DENND6A: variants seen among roughly 807,000 people sequenced by gnomAD.
DENND6A encodes the protein protein DENND6A.
In DENND6A, 43 loss-of-function variants were observed where a neutral mutation model predicts 95.5. The observed-to-expected ratio is 0.45, with a 90% CI of 0.35 to 0.58. DENND6A has a LOEUF of 0.58. Among genes scored for constraint, DENND6A ranks in the 20% least tolerant of loss-of-function variants. The pLI is 0.00. For synonymous variants in DENND6A, 257 were observed against 260.4 expected, an observed-to-expected ratio of 0.99 and a Z score of 0.13; for missense variants, 574 against 736.0, an observed-to-expected ratio of 0.78 and a Z score of 2.55.
intron 10 of DENND6A, 108 bp from the exon 11 acceptor site, chr3:57,645,864 T>TA (rs1365088877): frequency 8.6e-6 from 6 of 700,702 alleles, no homozygotes; most frequent in African/African-American, 1.8e-5. Flanking sequence ...GGATACTTTG[T>TA]TTATTTTAAT....
intron 1 of DENND6A, among the ~76,000 whole-genome samples, chr3:57,682,919 C>G (rs901931331): frequency 2.0e-5 from 3 of 152,170 alleles, no homozygotes; most frequent in African/African-American, 7.2e-5. Context: ...CTCAAGTGAT[C>G]CACCCACCTC....
intron 9 of DENND6A, among the ~76,000 whole-genome samples, chr3:57,653,715 C>T (rs1222740799): frequency 5.5e-5 from 8 of 146,400 alleles, no homozygotes; most frequent in Admixed American, 2.7e-4. Flanking sequence ...CACTGCACTC[C>T]GGCCTGGGCG....
chr3:57,634,199 G>A (rs1287895220), intron 14 of DENND6A, among the ~76,000 whole-genome samples: 2 of 151,994 alleles, frequency 1.3e-5, no homozygotes, highest in Non-Finnish European at 1.5e-5. Flanking sequence ...TTGGGAGACC[G>A]AGGTGGGCGT....
intron 5 of DENND6A, among the ~76,000 whole-genome samples, chr3:57,662,178 CTTTT>C (rs1016166818): frequency 3.3e-5 from 3 of 91,988 alleles, no homozygotes; most frequent in African/African-American, 1.1e-4. Context: ...TCTTTCTTTT[CTTTT>C]TTCTTTTTTT....
At chr3:57,634,161 G>A (rs1352995595) in intron 14 of DENND6A, among the ~76,000 whole-genome samples, 1 of 152,062 alleles carries the variant, frequency 6.6e-6, no homozygotes, top group Non-Finnish European at 1.5e-5. Flanking sequence ...GGCAGGGCAC[G>A]GTGGCTGACG....
chr3:57,641,430 ATAATATAACAC>A (rs2070934236), intron 12 of DENND6A, among the ~76,000 whole-genome samples: 1 of 148,402 alleles, frequency 6.7e-6, no homozygotes, highest in Non-Finnish European at 1.5e-5. Context: ...TTATTCTATA[ATAATATAACAC>A]TATAAGTATA....
At chr3:57,672,553 C>T (rs2071636213) in intron 1 of DENND6A, 115 bp from the exon 2 acceptor site, 1 of 1,052,650 alleles carries the variant, frequency 9.5e-7, no homozygotes, top group African/African-American at 1.6e-5. Context: ...GAGCCCAAGG[C>T]AGGCGGATCA....
intron 6 of DENND6A, 107 bp from the exon 7 acceptor site, chr3:57,660,946 T>C (rs572632377): frequency 3.2e-6 from 3 of 943,408 alleles, no homozygotes; most frequent in African/African-American, 1.7e-5. Context: ...AGAAAAAATA[T>C]ACCTGGAAGA....
chr3:57,660,106 A>G (rs981072072), intron 7 of DENND6A, among the ~76,000 whole-genome samples: 2 of 152,216 alleles, frequency 1.3e-5, no homozygotes, highest in Non-Finnish European at 2.9e-5. Flanking sequence ...AATGCCTCAC[A>G]TCAATGACAA....
intron 3 of DENND6A, among the ~76,000 whole-genome samples, chr3:57,669,345 C>T (rs555935005): frequency 1.3e-5 from 2 of 152,056 alleles, no homozygotes; most frequent in African/African-American, 4.8e-5. Context: ...TTTCCTTGTA[C>T]CAACCATACT....
At chr3:57,662,851 G>C (rs545973970) in intron 5 of DENND6A, among the ~76,000 whole-genome samples, 15 of 152,068 alleles carry the variant, frequency 9.9e-5, no homozygotes, top group African/African-American at 3.6e-4. Context: ...AGGCACGGTG[G>C]CTCATGCCTG....
chr3:57,660,775 C>A lies in DENND6A; in HGVS notation c.684G>T (p.Met228Ile). ...VPGKTLHLPI[M>I]GVVMKVRIPT... Reference sequence around the variant, plus strand: ...AAGATATTACCTTCATTACCACCCCCATGATTGGCAGGTGTAATGTTTTCC... The same window carrying A: ...AAGATATTACCTTCATTACCACCCCAATGATTGGCAGGTGTAATGTTTTCC... The change falls in exon 7 of 20, where the codon ATG becomes ATT. Residue 228 changes from methionine (M) to isoleucine (I), a missense_variant. Coordinates refer to ENST00000311128, the MANE Select transcript of DENND6A (RefSeq NM_152678.3). The A allele has an allele frequency of 6.2e-7, 1 of 1,608,676 alleles. No homozygotes were observed. Among genetic ancestry groups the A allele is most frequent in the Non-Finnish European group, 8.5e-7 (1 of 1,177,520 alleles).
intron 1 of DENND6A, among the ~76,000 whole-genome samples, chr3:57,685,576 A>C (rs113947702): frequency 1.3e-5 from 2 of 151,830 alleles, no homozygotes; most frequent in African/African-American, 4.8e-5. Context: ...GGAGCGTCTC[A>C]GATTTTGAAT....
At chr3:57,649,620 A>G (rs1362897289) in intron 9 of DENND6A, among the ~76,000 whole-genome samples, 2 of 144,370 alleles carry the variant, frequency 1.4e-5, no homozygotes, top group Non-Finnish European at 3.0e-5. Flanking sequence ...ATGCCCATCA[A>G]TCAATGAGTG....
At chr3:57,678,256 C>A (rs1364400319) in intron 1 of DENND6A, among the ~76,000 whole-genome samples, 1 of 152,150 alleles carries the variant, frequency 6.6e-6, no homozygotes, top group African/African-American at 2.4e-5. Context: ...TACAGCTTAT[C>A]AGAAATCAAT....
chr3:57,650,672 G>A (rs1046043744), intron 9 of DENND6A, among the ~76,000 whole-genome samples: 10 of 151,858 alleles, frequency 6.6e-5, no homozygotes, highest in African/African-American at 2.4e-4. Context: ...TCCACACAAA[G>A]ACGTATACAC....
intron 4 of DENND6A, 108 bp downstream of exon 4, chr3:57,666,015 G>C: frequency 1.2e-6 from 1 of 817,920 alleles, no homozygotes; most frequent in Non-Finnish European, 2.0e-6. Context: ...ATATAATATA[G>C]TAGCAAAACA....
At chr3:57,686,468 T>C (rs771077551) in intron 1 of DENND6A, among the ~76,000 whole-genome samples, 2 of 152,240 alleles carry the variant, frequency 1.3e-5, no homozygotes, top group Non-Finnish European at 2.9e-5. Context: ...ATCATTTTAT[T>C]GTGCTTTGCA....
chr3:57,644,202 C>T (rs1378056380), intron 11 of DENND6A, among the ~76,000 whole-genome samples: 2 of 150,552 alleles, frequency 1.3e-5, no homozygotes, highest in African/African-American at 4.9e-5. Flanking sequence ...GAACACAATA[C>T]CTAGCGAACA....
Sources: allele counts gnomAD v4.1 joint callset (sites outside exome capture counted in the v4.1 genomes callset), GRCh38; gene constraint gnomAD v4.1.1; transcripts MANE v1.5; gene names NCBI Gene and HGNC (gene_info 2026-07-23, HGNC 2026-07-21).